The following PDCD10 variants were observed in gnomAD, a reference collection of about 807,000 sequenced individuals.
PDCD10 encodes the protein programmed cell death protein 10.
PDCD10 carries 4 observed loss-of-function variants against 29.2 expected under a neutral mutation model. The observed-to-expected ratio is 0.14, with a 90% CI of 0.07 to 0.31. The LOEUF (loss-of-function observed/expected upper bound fraction) is 0.31. PDCD10 is among the 10% of genes least tolerant of loss of function. The pLI is 1.00. For synonymous variants in PDCD10, 70 were observed against 82.2 expected (o/e 0.85, Z 0.80); for missense variants, 183 against 257.9 (o/e 0.71, Z 1.99).
chr3:167,686,016 T>A (rs968627750), intron 8 of PDCD10, among the ~76,000 whole-genome samples: 1 of 152,210 alleles, frequency 6.6e-6, no homozygotes, highest in African/African-American at 2.4e-5. Context: ...TTATCATTTT[T>A]AAATATTACT....
intron 6 of PDCD10, among the ~76,000 whole-genome samples, chr3:167,688,599 C>T (rs761964420): frequency 1.4e-4 from 22 of 151,980 alleles, no homozygotes; most frequent in South Asian, 2.1e-4. Context: ...AATTTTTTTC[C>T]GCCAAATTGA....
At chr3:167,685,588 GGAGA>G (rs766431256) in intron 8 of PDCD10, among the ~76,000 whole-genome samples, 4 of 152,010 alleles carry the variant, frequency 2.6e-5, no homozygotes, top group African/African-American at 7.2e-5. Flanking sequence ...GCTGCTGAAT[GGAGA>G]GAAAGTAGTA....
chr3:167,687,444 T>C lies in PDCD10; in HGVS notation c.475-128A>G. The C allele has an allele frequency of 6.8e-6, 5 of 732,236 alleles. No homozygotes were observed. The South Asian group carries it at 7.5e-5, about 11-fold the overall frequency. The allele number at this position is 732,236 out of a possible 1,614,324, so 45.4% of individuals were successfully genotyped here. A position where few individuals can be genotyped will look rare whatever the true frequency, so the allele number is the denominator to read the frequency against. On this transcript the variant is annotated intron_variant, in intron 7 of 8. Coordinates refer to ENST00000392750, the MANE Select transcript of PDCD10 (RefSeq NM_007217.4). ...TTATATGAATATTACTAATAAGCAA[T>C]TGTGGAGTACTCACTTTTAAATAAA...
At chr3:167,687,352 AAAT>A in intron 7 of PDCD10, 36 bp from the exon 8 acceptor site, 1 of 1,191,048 alleles carries the variant, frequency 8.4e-7, no homozygotes, top group Non-Finnish European at 1.3e-6. Context: ...ATAAAGTACT[AAAT>A]AAGAGAAATA....
At chr3:167,704,179 AAAC>A (rs1721735285) in intron 4 of PDCD10, among the ~76,000 whole-genome samples, 1 of 152,178 alleles carries the variant, frequency 6.6e-6, no homozygotes, top group African/African-American at 2.4e-5. Flanking sequence ...TTCTATAATT[AAAC>A]AATAGAAAGA....
At chr3:167,709,195 G>A (rs2108450312) in intron 3 of PDCD10, among the ~76,000 whole-genome samples, 1 of 151,256 alleles carries the variant, frequency 6.6e-6, no homozygotes, top group Admixed American at 6.6e-5. Flanking sequence ...CCGAATCAAA[G>A]CCTCCATTGA....
chr3:167,689,428 G>T lies in PDCD10; in HGVS notation c.396-1735C>A, dbSNP rs538484556. The stretch of plus-strand genomic sequence containing the variant: ...ACAGAAGTTTATATAGTCTTACTTT[G>T]TAGTGTATTTCAATATTCTGCTAAA... On this transcript the variant is annotated intron_variant, in intron 6 of 8. Transcript: ENST00000392750. Among the ~76,000 whole-genome samples the T allele has an allele frequency of 7.2e-5, 11 of 152,284 alleles. No individual in the cohort carries two copies. The South Asian group carries it at 2.3e-3, about 32-fold the overall frequency.
At chr3:167,701,804 T>C (rs1721467913) in intron 4 of PDCD10, among the ~76,000 whole-genome samples, 1 of 152,180 alleles carries the variant, frequency 6.6e-6, no homozygotes, top group African/African-American at 2.4e-5. Context: ...AAACAATAAA[T>C]TTCTGCTGGA....
At chr3:167,710,959 G>A (rs922019280) in intron 3 of PDCD10, among the ~76,000 whole-genome samples, 7 of 152,284 alleles carry the variant, frequency 4.6e-5, no homozygotes, top group South Asian at 4.1e-4. Context: ...CCACCAAGGC[G>A]GTGGTATCTC....
intron 3 of PDCD10, among the ~76,000 whole-genome samples, chr3:167,716,954 C>G (rs766804558): frequency 2.6e-5 from 4 of 151,930 alleles, no homozygotes; most frequent in Non-Finnish European, 4.4e-5. Flanking sequence ...CTCTCCTCCC[C>G]GATATACAAA....
chr3:167,702,362 C>A (rs1721531609), intron 4 of PDCD10, among the ~76,000 whole-genome samples: 1 of 152,134 alleles, frequency 6.6e-6, no homozygotes, highest in Non-Finnish European at 1.5e-5. Context: ...AATATATTTT[C>A]TCTTATGATT....
At chr3:167,696,549 T>A (rs1275545162) in intron 5 of PDCD10, among the ~76,000 whole-genome samples, 1 of 152,030 alleles carries the variant, frequency 6.6e-6, no homozygotes, top group Non-Finnish European at 1.5e-5. Flanking sequence ...CTAAATAATT[T>A]CAAGTAAAAA....
intron 6 of PDCD10, among the ~76,000 whole-genome samples, chr3:167,693,583 T>G (rs1024024365): frequency 6.6e-6 from 1 of 152,118 alleles, no homozygotes; most frequent in Non-Finnish European, 1.5e-5. Context: ...TTCTGATAGG[T>G]AGAGCCAGGC....
intron 2 of PDCD10, chr3:167,725,263 G>GAAAAAAA (rs57762503): frequency 5.3e-4 from 16 of 30,192 alleles, no homozygotes; most frequent in Admixed American, 1.0e-3. Context: ...TCTCAAAAAA[G>GAAAAAAA]AAAAAAAAAA....
intron 2 of PDCD10, chr3:167,725,517 T>C (rs1363801110): frequency 1.3e-5 from 2 of 151,764 alleles, no homozygotes; most frequent in Non-Finnish European, 2.9e-5. Context: ...TCAGTGATCC[T>C]ACTTAGAGTA....
intron 2 of PDCD10, among the ~76,000 whole-genome samples, chr3:167,729,090 C>A (rs558400070): frequency 6.6e-6 from 1 of 152,324 alleles, no homozygotes; most frequent in African/African-American, 2.4e-5. Context: ...CCACTCCCCA[C>A]ACCAGACTGA....
At chr3:167,732,334 A>G (rs951994257) in intron 2 of PDCD10, among the ~76,000 whole-genome samples, 1 of 152,190 alleles carries the variant, frequency 6.6e-6, no homozygotes, top group Non-Finnish European at 1.5e-5. Flanking sequence ...AGAGAAACAG[A>G]CAGATGTATA....
intron 2 of PDCD10, among the ~76,000 whole-genome samples, chr3:167,728,150 T>C (rs947170492): frequency 6.6e-6 from 1 of 152,082 alleles, no homozygotes; most frequent in Non-Finnish European, 1.5e-5. Flanking sequence ...AGGTAGAACC[T>C]TGGAAATCTC....
At chr3:167,719,163 G>C (rs944845611) in intron 3 of PDCD10, among the ~76,000 whole-genome samples, 1 of 152,084 alleles carries the variant, frequency 6.6e-6, no homozygotes, top group East Asian at 1.9e-4. Context: ...TTTACAAAGA[G>C]AGATGAAAAT....
Sources: allele counts gnomAD v4.1 joint callset (sites outside exome capture counted in the v4.1 genomes callset), GRCh38; gene constraint gnomAD v4.1.1; transcripts MANE v1.5; gene names NCBI Gene and HGNC (gene_info 2026-07-23, HGNC 2026-07-21).